Variants in TRAPPC9 observed in about 807,000 individuals in gnomAD.
TRAPPC9 encodes the protein IKK2 binding protein.
A neutral mutation model predicts 124.0 loss-of-function variants in TRAPPC9; 83 were observed. The observed-to-expected ratio is 0.67, with a 90% CI of 0.56 to 0.80. The LOEUF is 0.80. TRAPPC9 is among the 30% of genes least tolerant of loss of function. TRAPPC9 has a pLI of 0.00. For synonymous variants in TRAPPC9, 638 were observed against 617.5 expected, an observed-to-expected ratio of 1.03 and a Z score of -0.49; for missense variants, 1,302 against 1,508.3, an observed-to-expected ratio of 0.86 and a Z score of 2.27.
At chr8:140,045,313 C>G (rs377264222) in intron 17 of TRAPPC9, among the ~76,000 whole-genome samples, 101 of 152,300 alleles carry the variant, frequency 6.6e-4, no homozygotes, top group African/African-American at 2.3e-3. Context: ...TAAATGAGCA[C>G]AAGGACCTTG....
At chr8:139,932,921 AAT>A (rs988010056) in intron 19 of TRAPPC9, 2 of 183,588 alleles carry the variant, frequency 1.1e-5, no homozygotes, top group African/African-American at 4.8e-5. Flanking sequence ...AAAAAAAAAA[AAT>A]CATACAGCTC....
intron 17 of TRAPPC9, among the ~76,000 whole-genome samples, chr8:140,158,741 C>T (rs971858833): frequency 1.3e-5 from 2 of 152,210 alleles, no homozygotes; most frequent in Non-Finnish European, 2.9e-5. Flanking sequence ...ACCCAGACTC[C>T]CCTGCTGTGG....
At chr8:139,854,560 T>C (rs1827686095) in intron 21 of TRAPPC9, among the ~76,000 whole-genome samples, 1 of 152,146 alleles carries the variant, frequency 6.6e-6, no homozygotes, top group Non-Finnish European at 1.5e-5. Flanking sequence ...CAAACCCTGG[T>C]TCCTCCACTT....
chr8:140,423,360 A>C (rs1344222671), intron 5 of TRAPPC9, among the ~76,000 whole-genome samples: 1 of 152,100 alleles, frequency 6.6e-6, no homozygotes, highest in Non-Finnish European at 1.5e-5. Flanking sequence ...GAATCGCTTG[A>C]ACCCAGGAGG....
intron 19 of TRAPPC9, among the ~76,000 whole-genome samples, chr8:139,983,643 C>T (rs1042239268): frequency 6.6e-6 from 1 of 152,120 alleles, no homozygotes; most frequent in African/African-American, 2.4e-5. Context: ...TATCAAAGGC[C>T]CAGTTTGCTT....
intron 17 of TRAPPC9, among the ~76,000 whole-genome samples, chr8:140,199,852 T>C (rs1399007120): frequency 6.6e-6 from 1 of 152,072 alleles, no homozygotes; most frequent in Non-Finnish European, 1.5e-5. Context: ...ACAGATGAGA[T>C]GGTAACTTTG....
At position 140,451,175 on chromosome 8, in the gene TRAPPC9, CGTT is replaced by C. The variant is rs2132705873; in HGVS notation, c.196_198del (p.Asn66del). 1.2e-6 allele frequency: 2 copies of C among 1,614,060 alleles called. No individual in the cohort carries two copies. Among genetic ancestry groups the C allele is most frequent in the South Asian group, 1.1e-5 (1 of 91,068 alleles). On this transcript the variant is annotated inframe_deletion, in exon 2 of 23. Transcript: ENST00000438773. ...CGGTGGGTCTGGAAGTCACCCCACT[CGTT>C]GTTCTCGGGTGGGTAGTGGTGCCTG...
At position 140,313,412 on chromosome 8, in the gene TRAPPC9, T is replaced by C. The variant is rs1363354832; in HGVS notation, c.1496-2038A>G. ...ACCACAGTGTATCACTCGGCTAAGCTCTGAATGGCATTTCTAGACAGAAAA... is the reference window on the plus strand; with the variant it reads ...ACCACAGTGTATCACTCGGCTAAGCCCTGAATGGCATTTCTAGACAGAAAA... On this transcript the variant is annotated intron_variant, in intron 9 of 22. Coordinates refer to ENST00000438773, the MANE Select transcript of TRAPPC9 (RefSeq NM_001160372.4). Among the ~76,000 whole-genome samples the C allele has an allele frequency of 5.3e-5, 8 of 152,304 alleles. No individual in the cohort carries two copies. In the South Asian group the frequency reaches 1.7e-3, roughly 32 times the overall value.
intron 21 of TRAPPC9, among the ~76,000 whole-genome samples, chr8:139,828,906 A>T (rs1825801896): frequency 6.6e-6 from 1 of 152,246 alleles, no homozygotes; most frequent in South Asian, 2.1e-4. Context: ...GAAATGACAG[A>T]TTCATTTGAA....
At chr8:139,897,937 C>A (rs943861408) in intron 20 of TRAPPC9, among the ~76,000 whole-genome samples, 1 of 152,252 alleles carries the variant, frequency 6.6e-6, no homozygotes, top group Admixed American at 6.5e-5. Flanking sequence ...AGGGCGAGAG[C>A]CCCTTGGACT....
intron 18 of TRAPPC9, among the ~76,000 whole-genome samples, chr8:139,991,914 T>C (rs541415805): frequency 6.6e-6 from 1 of 152,278 alleles, no homozygotes; most frequent in South Asian, 2.1e-4. Context: ...TTATTAAGTA[T>C]TTCATCCAAA....
At chr8:139,983,883 T>G (rs1462236013) in intron 19 of TRAPPC9, among the ~76,000 whole-genome samples, 1 of 152,136 alleles carries the variant, frequency 6.6e-6, no homozygotes, top group Non-Finnish European at 1.5e-5. Flanking sequence ...GTGGCTTTGA[T>G]CAGCCACTCA....
At chr8:140,430,011 G>C (rs1312060489) in intron 4 of TRAPPC9, among the ~76,000 whole-genome samples, 2 of 151,470 alleles carry the variant, frequency 1.3e-5, no homozygotes, top group African/African-American at 2.4e-5. Flanking sequence ...GCTGGGCGAG[G>C]TGGCAGGCGC....
chr8:139,808,956 A>G (rs1004695520), intron 21 of TRAPPC9, among the ~76,000 whole-genome samples: 1 of 152,148 alleles, frequency 6.6e-6, no homozygotes, highest in Non-Finnish European at 1.5e-5. Context: ...TTTTGTGTGG[A>G]TGTATGTTTT....
intron 20 of TRAPPC9, among the ~76,000 whole-genome samples, chr8:139,897,807 C>G (rs1010869728): frequency 6.6e-6 from 1 of 152,222 alleles, no homozygotes; most frequent in Non-Finnish European, 1.5e-5. Flanking sequence ...GCATAACCAG[C>G]CTGAAGTCCA....
rs760718123 is a variant in TRAPPC9 at position 140,405,596 on chromosome 8, G to T, written c.989C>A (p.Ala330Glu). 3.1e-6 allele frequency: 5 copies of T among 1,613,880 alleles called. No homozygotes were observed. The highest frequency in any genetic ancestry group is 4.2e-6 in the Non-Finnish European group (5 of 1,179,946). The change falls in exon 6 of 23, where the codon GCG (alanine) becomes GAG (glutamate). Residue 330 changes from alanine (A) to glutamate (E), a missense_variant. Ala to Glu is a moderately radical substitution (Grantham distance 107, BLOSUM62 -1). Around this residue, in one of 3 missense-constraint regions of TRAPPC9, gnomAD observed 657 missense variants for 811.2 expected, o/e 0.81. Transcript: ENST00000438773. Reference protein sequence around the residue: ...PEDIIDKYKEAISYYSKYKNA... With the variant: ...PEDIIDKYKEEISYYSKYKNA... ...AATCACCTTGCTGTAATAGGAAATC[G>T]CCTCTTTATACTTGTCAATTATGTC...
chr8:139,772,808 C>A (rs1821068372), intron 21 of TRAPPC9, among the ~76,000 whole-genome samples: 1 of 152,126 alleles, frequency 6.6e-6, no homozygotes, highest in Admixed American at 6.5e-5. Flanking sequence ...TGGGCCCAAT[C>A]CTCTCGGACT....
intron 6 of TRAPPC9, among the ~76,000 whole-genome samples, chr8:140,403,814 C>T (rs569193457): frequency 1.3e-5 from 2 of 152,112 alleles, no homozygotes; most frequent in African/African-American, 2.4e-5. Context: ...CACACCACCA[C>T]ATCTGGCTAA....
chr8:139,782,554 C>T (rs1490292459), intron 21 of TRAPPC9, among the ~76,000 whole-genome samples: 1 of 152,138 alleles, frequency 6.6e-6, no homozygotes, highest in Non-Finnish European at 1.5e-5. Flanking sequence ...TAACAGAGCT[C>T]CAAAATTCGT....
Sources: allele counts gnomAD v4.1 joint callset (sites outside exome capture counted in the v4.1 genomes callset), GRCh38; gene constraint gnomAD v4.1.1; regional missense constraint gnomAD v4.1.1; transcripts MANE v1.5; gene names NCBI Gene and HGNC (gene_info 2026-07-23, HGNC 2026-07-21).